Variants in TCAIM observed in about 807,000 individuals in gnomAD.
TCAIM encodes the protein T-cell activation inhibitor, mitochondrial.
Under a neutral mutation model 58.6 loss-of-function variants are expected in TCAIM, and 36 were observed. The ratio of observed to expected loss-of-function variants is 0.61; its 90% CI spans 0.47 to 0.81. TCAIM has a LOEUF of 0.81. Among genes scored for constraint, TCAIM ranks in the 30% least tolerant of loss-of-function variants. TCAIM has a pLI of 0.00. For synonymous variants in TCAIM, 172 were observed against 193.6 expected (o/e 0.89, Z 0.93); for missense variants, 466 against 579.6 (o/e 0.80, Z 2.01).
At chr3:44,359,149 G>T in intron 3 of TCAIM, 1 of 903,322 alleles carries the variant, frequency 1.1e-6, no homozygotes, top group Non-Finnish European at 1.3e-6. Flanking sequence ...TACTAGGGAG[G>T]CTGAGGCAGG....
chr3:44,342,714 CTT>C (rs768587907), intron 1 of TCAIM, among the ~76,000 whole-genome samples: 39 of 142,692 alleles, frequency 2.7e-4, no homozygotes, highest in Middle Eastern at 3.6e-3. Context: ...TCACTAAAGC[CTT>C]TTTTTTTTTT....
chr3:44,361,687 G>A (rs552392509), intron 4 of TCAIM, among the ~76,000 whole-genome samples, 169 bp downstream of exon 4: 1 of 152,182 alleles, frequency 6.6e-6, no homozygotes, highest in Non-Finnish European at 1.5e-5. Flanking sequence ...GCATATGTTC[G>A]AACAAGTGAT....
chr3:44,407,663 A>C lies in TCAIM; in HGVS notation c.1472A>C (p.Asn491Thr), dbSNP rs756951937. The change falls in exon 11 of 11, where the codon AAT becomes ACT. Residue 491 changes from asparagine to threonine, a missense_variant. Transcript: ENST00000342649. ...GDLCIPWNWK[N>T]GEAIK The stretch of plus-strand genomic sequence containing the variant: ...CTTTGTATTCCTTGGAATTGGAAGA[A>C]TGGAGAAGCCATTAAGTAACACAGA... The C allele has an allele frequency of 6.2e-7, 1 of 1,603,074 alleles. No homozygotes were observed. The highest frequency in any genetic ancestry group is 1.1e-5 in the South Asian group (1 of 87,874).
intron 3 of TCAIM, chr3:44,359,238 A>G (rs994909675): frequency 1.1e-5 from 3 of 284,442 alleles, no homozygotes; most frequent in African/African-American, 6.8e-5. Flanking sequence ...ACAAACAACA[A>G]AAACTTCTAC....
chr3:44,338,760 T>C (rs1700783548), upstream of TCAIM: 1 of 152,278 alleles, frequency 6.6e-6, no homozygotes, highest in African/African-American at 2.4e-5. Context: ...GGAGCGACTG[T>C]CCTCCCTTCT....
intron 5 of TCAIM, among the ~76,000 whole-genome samples, chr3:44,389,322 TGA>T (rs770000311): frequency 2.0e-5 from 3 of 152,150 alleles, no homozygotes; most frequent in African/African-American, 4.8e-5. Flanking sequence ...GAAACCATGT[TGA>T]GAGTCTTTGT....
intron 3 of TCAIM, chr3:44,358,193 C>T: frequency 6.4e-7 from 1 of 1,559,226 alleles, no homozygotes; most frequent in Non-Finnish European, 8.6e-7. Context: ...CATGATCAAT[C>T]TCTCTCTCTT....
chr3:44,355,889 C>T (rs1454157471), intron 2 of TCAIM, among the ~76,000 whole-genome samples: 8 of 152,160 alleles, frequency 5.3e-5, no homozygotes, highest in Admixed American at 1.3e-4. Flanking sequence ...GTATGTCAGA[C>T]GTTGGGAAAT....
Position 44,401,280 on chromosome 3 carries a change from G to A in TCAIM, c.1196G>A (p.Trp399Ter), listed in dbSNP as rs775135966. 2 of 1,613,944 alleles carry A rather than the reference G, an allele frequency of 1.2e-6. No homozygotes were observed. Among genetic ancestry groups the A allele is most frequent in the East Asian group, 4.5e-5 (2 of 44,870 alleles). The change falls in exon 10 of 11, where the codon TGG becomes TAG. Residue 399 changes from tryptophan (W) to a stop codon, truncating the protein, a stop_gained. Coordinates refer to ENST00000342649, the MANE Select transcript of TCAIM (RefSeq NM_173826.4). LOFTEE classifies it high-confidence loss of function. ...CTCTGTGATCCAGCAAATCTCCAGT[G>A]GTTTATTCTCACCAAAGCTCAGCAG... ...PTLCDPANLQ[W>*]FILTKAQQAR...
At chr3:44,340,473 G>C (rs1054293889) in intron 1 of TCAIM, 1 of 152,102 alleles carries the variant, frequency 6.6e-6, no homozygotes, top group African/African-American at 2.4e-5. Context: ...TAGAATTTTG[G>C]TTTTTTTAAT....
intron 5 of TCAIM, among the ~76,000 whole-genome samples, chr3:44,381,325 G>A (rs1322611338): frequency 2.0e-5 from 3 of 151,970 alleles, no homozygotes; most frequent in African/African-American, 7.3e-5. Flanking sequence ...ATCAATCAGT[G>A]CGATACACAC....
chr3:44,350,031 A>G (rs1362807639), intron 1 of TCAIM, among the ~76,000 whole-genome samples: 1 of 152,164 alleles, frequency 6.6e-6, no homozygotes. Context: ...ACCAAATGTC[A>G]TGTGCGTCTG....
At chr3:44,394,138 C>G (rs1701884791) in intron 6 of TCAIM, among the ~76,000 whole-genome samples, 1 of 152,064 alleles carries the variant, frequency 6.6e-6, no homozygotes, top group African/African-American at 2.4e-5. Context: ...AAACAAATGA[C>G]TTGGGTACCA....
At chr3:44,372,819 C>T (rs1336112595) in intron 5 of TCAIM, among the ~76,000 whole-genome samples, 3 of 152,122 alleles carry the variant, frequency 2.0e-5, no homozygotes, top group African/African-American at 7.2e-5. Context: ...TGGTCTTGAT[C>T]TCCTGACCTC....
chr3:44,349,717 T>C (rs1230487725), intron 1 of TCAIM, among the ~76,000 whole-genome samples: 1 of 152,086 alleles, frequency 6.6e-6, no homozygotes, highest in African/African-American at 2.4e-5. Flanking sequence ...TGCCGGAGTT[T>C]TGGGTTCACG....
Position 44,367,676 on chromosome 3 carries a change from T to C in TCAIM, c.540T>C (p.Leu180=), listed in dbSNP as rs768172501. The change falls in exon 5 of 11, where the codon CTT becomes CTC. Residue 180 remains leucine, a synonymous_variant. Coordinates refer to ENST00000342649, the MANE Select transcript of TCAIM (RefSeq NM_173826.4). ...GATTCAAGGACCCTGATGAAGACCT[T>C]GAACAAGTCTCGAGAGTGGAAACAA... ...FTGFKDPDED[L]EQVSRVETTL... is the part of the protein sequence containing the mutation. 8 of 1,613,610 alleles carry C rather than the reference T, an allele frequency of 5.0e-6. No homozygotes were observed. Among genetic ancestry groups the C allele is most frequent in the Non-Finnish European group, 5.9e-6 (7 of 1,179,582 alleles).
intron 5 of TCAIM, among the ~76,000 whole-genome samples, chr3:44,389,114 G>GC (rs1701791586): frequency 6.6e-6 from 1 of 152,102 alleles, no homozygotes; most frequent in African/African-American, 2.4e-5. Flanking sequence ...ATATGGTGAA[G>GC]CCCCATCTCT....
At chr3:44,393,116 T>A (rs1195282087) in intron 6 of TCAIM, 139 bp downstream of exon 6, 1 of 726,886 alleles carries the variant, frequency 1.4e-6, no homozygotes, top group African/African-American at 1.8e-5. Context: ...ATGAACATCA[T>A]GAAATGTTCA....
chr3:44,353,067 C>T (rs1022340548), intron 1 of TCAIM, among the ~76,000 whole-genome samples: 9 of 151,880 alleles, frequency 5.9e-5, no homozygotes, highest in Middle Eastern at 6.8e-3. Flanking sequence ...GGATTACAGG[C>T]GCCCACCACA....
Sources: gnomAD v4.1 joint callset for allele counts (sites outside exome capture counted in the v4.1 genomes callset) on GRCh38, gnomAD v4.1.1 for gene constraint, MANE v1.5 for transcripts, NCBI Gene and HGNC (gene_info 2026-07-23, HGNC 2026-07-21) for gene names.